Variants in EXOSC1 observed in about 807,000 individuals in gnomAD.
The protein encoded by EXOSC1 is exosome complex component CSL4.
A neutral mutation model predicts 31.4 loss-of-function variants in EXOSC1; 27 were observed. The ratio of observed to expected loss-of-function variants is 0.86; its 90% CI spans 0.63 to 1.18. The LOEUF (loss-of-function observed/expected upper bound fraction) is 1.18, where lower values mean the gene tolerates loss of function less well. Ranked by LOEUF, EXOSC1 falls within the 50% of genes most tolerant of loss-of-function variation. The pLI, the probability that EXOSC1 is intolerant of heterozygous loss-of-function variation, is 0.00. For missense variants in EXOSC1, 228 were observed against 250.3 expected (o/e 0.91, Z 0.60); for synonymous variants, 84 against 89.5 (o/e 0.94, Z 0.35).
chr10:97,441,396 C>T (rs1589465501), intron 3 of EXOSC1, 137 bp from the exon 4 acceptor site: 1 of 585,376 alleles, frequency 1.7e-6, no homozygotes, highest in Admixed American at 3.0e-5. Flanking sequence ...TTAACTCCTA[C>T]TTCTCTCTGC....
rs397846677 is a variant in EXOSC1 at position 97,440,515 on chromosome 10, ATTT to A, written c.311+653_311+655del. The stretch of plus-strand genomic sequence containing the variant: ...AGGCACGCACCACCATGCCCAGCTA[ATTT>A]TTTTTTTTTTTTTTTTTAAAGACAG... On this transcript the variant is annotated intron_variant, in intron 4 of 7. Transcript: ENST00000370902. Among the ~76,000 whole-genome samples the A allele has an allele frequency of 4.3e-4, 54 of 124,246 alleles. 1 individual carries two copies. Among genetic ancestry groups the A allele is most frequent in the Admixed American group, 1.5e-3 (18 of 12,330 alleles). The allele number at this position is 124,246 out of a possible 152,430, so 81.5% of individuals were successfully genotyped here.
chr10:97,443,096 A>T, intron 3 of EXOSC1, 141 bp downstream of exon 3: 1 of 709,742 alleles, frequency 1.4e-6, no homozygotes, highest in Admixed American at 2.5e-5. Flanking sequence ...AAGTGCTAGA[A>T]TTACCAGTGT....
intron 2 of EXOSC1, 79 bp downstream of exon 2, chr10:97,445,653 A>G (rs1845935235): frequency 7.5e-7 from 1 of 1,337,422 alleles, no homozygotes; most frequent in Non-Finnish European, 1.0e-6. Context: ...ACGCGTCCGC[A>G]GTGCCCATGC....
chr10:97,442,121 T>C (rs1589466588), intron 3 of EXOSC1, among the ~76,000 whole-genome samples: 1 of 149,988 alleles, frequency 6.7e-6, no homozygotes, highest in South Asian at 2.1e-4. Flanking sequence ...GAGGCTGCAG[T>C]GAGCCGAGAT....
chr10:97,437,476 T>C (rs913369139), intron 6 of EXOSC1, among the ~76,000 whole-genome samples: 11 of 152,152 alleles, frequency 7.2e-5, no homozygotes, highest in African/African-American at 2.7e-4. Context: ...GCTTCCCGAA[T>C]AGCTGGGATT....
At position 97,437,085 on chromosome 10, in the gene EXOSC1, C is replaced by T. The variant is rs150070144; in HGVS notation, c.481+106G>A. The T allele has an allele frequency of 2.6e-3, 2,527 of 959,312 alleles. 9 individuals are homozygous for T. Among genetic ancestry groups the T allele is most frequent in the Non-Finnish European group, 3.9e-3 (2,368 of 600,962 alleles). The allele number at this position is 959,312 out of a possible 1,614,324, so 59.4% of individuals were successfully genotyped here. A position where few individuals can be genotyped will look rare whatever the true frequency, so the allele number is the denominator to read the frequency against. On this transcript the variant is annotated intron_variant, in intron 7 of 7. Transcript: ENST00000370902. ...TCATTCTAATCTCAGAGGGAAATAT[C>T]TATAGCCATACTGCTTCCCAGATAA... is the stretch of plus-strand genomic sequence containing the variant.
At chr10:97,444,960 C>T (rs1281791580) in intron 2 of EXOSC1, 1 of 152,148 alleles carries the variant, frequency 6.6e-6, no homozygotes, top group South Asian at 2.1e-4. Context: ...GGTGGTAGGG[C>T]CTGCTTTCAC....
intron 2 of EXOSC1, chr10:97,445,479 G>A (rs1344031855): frequency 5.4e-6 from 3 of 558,906 alleles, no homozygotes; most frequent in African/African-American, 1.9e-5. Context: ...GCTGGGATGG[G>A]ATACTGAGTT....
chr10:97,444,030 G>A (rs1458320221), intron 2 of EXOSC1: 5 of 152,180 alleles, frequency 3.3e-5, no homozygotes, highest in African/African-American at 9.7e-5. Flanking sequence ...CTGACCTCAG[G>A]TGATCCACCT....
chr10:97,442,140 T>TA, intron 3 of EXOSC1, among the ~76,000 whole-genome samples: 1 of 150,258 alleles, frequency 6.7e-6, no homozygotes, highest in African/African-American at 2.5e-5. Flanking sequence ...ATCGTGCCAC[T>TA]GCACTCCAGC....
In EXOSC1 at chr10:97,445,855, A is replaced by G; in HGVS notation, c.32-8T>C. 1 of 1,613,862 alleles carries G rather than the reference A, an allele frequency of 6.2e-7. No homozygotes were observed. Among genetic ancestry groups the G allele is most frequent in the Non-Finnish European group, 8.5e-7 (1 of 1,179,738 alleles). On this transcript the variant is annotated splice_region_variant and splice_polypyrimidine_tract_variant and intron_variant, in intron 1 of 7. Coordinates refer to ENST00000370902, the MANE Select transcript of EXOSC1 (RefSeq NM_016046.5). ...AGTTACACAGACGTTCGCCTGCAGAAAAAATGCTGCATCGGTCACGGGCCC... is the reference window on the plus strand; with the variant it reads ...AGTTACACAGACGTTCGCCTGCAGAGAAAATGCTGCATCGGTCACGGGCCC...
At chr10:97,440,250 G>C (rs907107558) in intron 4 of EXOSC1, among the ~76,000 whole-genome samples, 1 of 152,204 alleles carries the variant, frequency 6.6e-6, no homozygotes, top group African/African-American at 2.4e-5. Flanking sequence ...GGGATTACAG[G>C]CATGAGCCAC....
At chr10:97,440,373 G>T (rs1271841677) in intron 4 of EXOSC1, among the ~76,000 whole-genome samples, 1 of 151,940 alleles carries the variant, frequency 6.6e-6, no homozygotes, top group East Asian at 1.9e-4. Flanking sequence ...TTTTGAGACA[G>T]GGTCTCACTC....
intron 6 of EXOSC1, 127 bp downstream of exon 6, chr10:97,437,573 C>T (rs1241748889): frequency 2.4e-6 from 2 of 832,634 alleles, no homozygotes; most frequent in African/African-American, 1.7e-5. Context: ...GTCTCGAACT[C>T]CTGACCTCAG....
At chr10:97,445,902 G>A (rs950947077) in intron 1 of EXOSC1, 53 bp downstream of exon 1, 10 of 1,613,488 alleles carry the variant, frequency 6.2e-6, no homozygotes, top group Admixed American at 1.7e-5. Context: ...AGGCCGTTTA[G>A]CCTTCTTGCT....
Position 97,437,208 on chromosome 10 carries a change from A to G in EXOSC1, c.464T>C (p.Val155Ala). 1 of 1,614,076 alleles carries G rather than the reference A, an allele frequency of 6.2e-7. No individual in the cohort carries two copies. ...TTAENELGVV[V>A]AHSESGIQMV... The stretch of plus-strand genomic sequence containing the variant: ...CATCTCACCTGACTCACTGTGGGCT[A>G]CCACCACTCCCAGCTCGTTCTCGGC... The change falls in exon 7 of 8, where the codon GTA becomes GCA. Residue 155 changes from valine to alanine, a missense_variant. Coordinates refer to ENST00000370902, the MANE Select transcript of EXOSC1 (RefSeq NM_016046.5).
At chr10:97,439,530 G>GTC (rs1307032429) in intron 4 of EXOSC1, among the ~76,000 whole-genome samples, 1 of 152,156 alleles carries the variant, frequency 6.6e-6, no homozygotes, top group Non-Finnish European at 1.5e-5. Context: ...ATCTGTCACT[G>GTC]TCTCCCATCA....
At chr10:97,444,081 A>ACTG (rs1158120027) in intron 2 of EXOSC1, 1 of 152,234 alleles carries the variant, frequency 6.6e-6, no homozygotes, top group Non-Finnish European at 1.5e-5. Context: ...GGTGTGAGCC[A>ACTG]CTGCGCCCTG....
At position 97,440,363 on chromosome 10, in the gene EXOSC1, T is replaced by G. The variant is rs1845677057; in HGVS notation, c.311+808A>C. On this transcript the variant is annotated intron_variant, in intron 4 of 7. Transcript: ENST00000370902. ...TTTACCTTTTATTTATTTATTTGTT[T>G]TTTGAGACAGGGTCTCACTCTGTTG... 2.0e-5 allele frequency among the ~76,000 whole-genome samples: 3 copies of G among 152,126 alleles called. No individual in the cohort carries two copies. In the South Asian group the frequency reaches 6.2e-4, roughly 31 times the overall value.
Sources: allele counts gnomAD v4.1 joint callset (sites outside exome capture counted in the v4.1 genomes callset), GRCh38; gene constraint gnomAD v4.1.1; transcripts MANE v1.5; gene names NCBI Gene and HGNC (gene_info 2026-07-23, HGNC 2026-07-21).